ZNF385D: variants seen among roughly 807,000 people sequenced by gnomAD.
ZNF385D encodes zinc finger protein 659.
ZNF385D carries 15 observed loss-of-function variants against 35.8 expected under a neutral mutation model. The ratio of observed to expected loss-of-function variants is 0.42; its 90% CI spans 0.28 to 0.64. The LOEUF (loss-of-function observed/expected upper bound fraction) is 0.64, where lower values mean the gene tolerates loss of function less well. ZNF385D is among the 30% of genes least tolerant of loss of function. ZNF385D has a pLI of 0.23. For missense variants in ZNF385D, 474 were observed against 494.6 expected (o/e 0.96, Z 0.39); for synonymous variants, 212 against 186.8 (o/e 1.13, Z -1.10).
intron 3 of ZNF385D, among the ~76,000 whole-genome samples, chr3:21,843,565 C>A (rs1695813403): frequency 6.6e-6 from 1 of 151,804 alleles, no homozygotes; most frequent in African/African-American, 2.4e-5. Context: ...TTAATCCAAC[C>A]AAAATGTATT....
intron 1 of ZNF385D, among the ~76,000 whole-genome samples, chr3:21,686,875 T>C (rs2067121659): frequency 6.6e-6 from 1 of 152,224 alleles, no homozygotes; most frequent in South Asian, 2.1e-4. Context: ...TTTCTGGTCA[T>C]CCCCTGGGAC....
At chr3:22,046,501 A>G (rs1428685521) in intron 3 of ZNF385D, among the ~76,000 whole-genome samples, 1 of 152,110 alleles carries the variant, frequency 6.6e-6, no homozygotes, top group African/African-American at 2.4e-5. Context: ...TTTTTTTCCC[A>G]TGTGTGCTAA....
intron 5 of ZNF385D, among the ~76,000 whole-genome samples, chr3:21,430,555 G>A (rs77847323): frequency 0.011 from 1,669 of 152,220 alleles, 34 homozygotes; most frequent in South Asian, 0.049. Context: ...AGACAAATGT[G>A]AGAACTAATA....
intron 3 of ZNF385D, among the ~76,000 whole-genome samples, chr3:21,981,185 C>CAG (rs1378784217): frequency 6.6e-6 from 1 of 152,150 alleles, no homozygotes; most frequent in Non-Finnish European, 1.5e-5. Flanking sequence ...CTCCTACCAA[C>CAG]AGTGTATAAA....
At chr3:21,472,683 G>T in intron 4 of ZNF385D, among the ~76,000 whole-genome samples, 1 of 152,146 alleles carries the variant, frequency 6.6e-6, no homozygotes, top group African/African-American at 2.4e-5. Flanking sequence ...GCCAATTACA[G>T]CAGCTAAGCT....
intron 2 of ZNF385D, among the ~76,000 whole-genome samples, chr3:21,573,836 G>T (rs1298487000): frequency 1.3e-5 from 2 of 151,706 alleles, no homozygotes; most frequent in Admixed American, 1.3e-4. Context: ...AAGGAGGGTG[G>T]ATCACCTGAG....
At chr3:22,252,220 C>T (rs185650595) in intron 2 of ZNF385D, among the ~76,000 whole-genome samples, 22 of 152,120 alleles carry the variant, frequency 1.4e-4, no homozygotes, top group African/African-American at 4.1e-4. Context: ...GCATGCTTAG[C>T]ACATGTTTTA....
At chr3:22,300,898 A>C (rs532945634) in intron 2 of ZNF385D, among the ~76,000 whole-genome samples, 1 of 152,178 alleles carries the variant, frequency 6.6e-6, no homozygotes, top group South Asian at 2.1e-4. Flanking sequence ...AAAATTAAAC[A>C]TAGAACTACC....
At chr3:22,119,279 G>C (rs554123603) in intron 3 of ZNF385D, among the ~76,000 whole-genome samples, 1 of 152,198 alleles carries the variant, frequency 6.6e-6, no homozygotes, top group African/African-American at 2.4e-5. Flanking sequence ...TATAAAATTA[G>C]TCAAAAGAAA....
chr3:21,459,991 T>C (rs1703064368), intron 4 of ZNF385D, among the ~76,000 whole-genome samples: 1 of 152,180 alleles, frequency 6.6e-6, no homozygotes, highest in African/African-American at 2.4e-5. Flanking sequence ...CATCAGCCCA[T>C]GTCACTAATA....
chr3:21,594,626 T>C (rs2064078981), intron 2 of ZNF385D, among the ~76,000 whole-genome samples: 1 of 152,198 alleles, frequency 6.6e-6, no homozygotes, highest in Non-Finnish European at 1.5e-5. Flanking sequence ...TAAGCAGACA[T>C]GACATAGCCA....
At chr3:22,197,214 G>T (rs1033188837) in intron 2 of ZNF385D, among the ~76,000 whole-genome samples, 9 of 151,958 alleles carry the variant, frequency 5.9e-5, no homozygotes, top group Admixed American at 1.3e-4. Flanking sequence ...TTTGTAATTT[G>T]ACATATTTTG....
chr3:21,888,548 A>G (rs1316579648), intron 3 of ZNF385D, among the ~76,000 whole-genome samples: 2 of 152,176 alleles, frequency 1.3e-5, no homozygotes, highest in African/African-American at 4.8e-5. Context: ...GTTTATTAGT[A>G]ACTTCTGGAA....
intron 2 of ZNF385D, among the ~76,000 whole-genome samples, chr3:21,624,669 C>T (rs918272267): frequency 2.0e-5 from 3 of 152,026 alleles, no homozygotes; most frequent in Non-Finnish European, 2.9e-5. Context: ...ATTACTCCAC[C>T]CTTTTACCCA....
intron 4 of ZNF385D, among the ~76,000 whole-genome samples, chr3:21,476,132 T>C (rs1015509752): frequency 1.3e-5 from 2 of 152,140 alleles, no homozygotes; most frequent in African/African-American, 2.4e-5. Flanking sequence ...TTGAAACTTG[T>C]TTAGGCAGAA....
At chr3:21,729,858 A>T (rs1379213951) in intron 1 of ZNF385D, among the ~76,000 whole-genome samples, 2 of 152,190 alleles carry the variant, frequency 1.3e-5, no homozygotes, top group East Asian at 1.9e-4. Context: ...AAATCACCAG[A>T]TGACTTTTTA....
chr3:22,092,007 C>T (rs1204097929), intron 3 of ZNF385D, among the ~76,000 whole-genome samples: 2 of 152,114 alleles, frequency 1.3e-5, no homozygotes, highest in African/African-American at 2.4e-5. Flanking sequence ...AATACCTTCA[C>T]TTTCAGGAAG....
At chr3:22,004,613 T>C (rs983469989) in intron 3 of ZNF385D, among the ~76,000 whole-genome samples, 1 of 152,190 alleles carries the variant, frequency 6.6e-6, no homozygotes, top group Non-Finnish European at 1.5e-5. Context: ...CTAGAAATGA[T>C]AGCTGTAAAG....
At chr3:22,325,757 CAAAAA>C (rs1373433405) in intron 2 of ZNF385D, among the ~76,000 whole-genome samples, 1 of 151,196 alleles carries the variant, frequency 6.6e-6, no homozygotes, top group African/African-American at 2.4e-5. Flanking sequence ...GACTCTGTCT[CAAAAA>C]AACAAAAAAC....
Sources: allele counts gnomAD v4.1 joint callset (sites outside exome capture counted in the v4.1 genomes callset), GRCh38; gene constraint gnomAD v4.1.1; transcripts MANE v1.5; gene names NCBI Gene and HGNC (gene_info 2026-07-23, HGNC 2026-07-21).